Variants in ARB2A observed in about 807,000 individuals in gnomAD.
The protein encoded by ARB2A is cotranscriptional regulator ARB2A.
chr5:93,837,162 G>A, the ARB2A span, among the ~76,000 whole-genome samples: 55 of 151,992 alleles, frequency 3.6e-4, no homozygotes, highest in Non-Finnish European at 6.2e-4. Context: ...CCCTTTTTGT[G>A]TCCACGTGTT....
chr5:93,724,037 ATCAGAC>A, the ARB2A span, among the ~76,000 whole-genome samples: 1 of 152,124 alleles, frequency 6.6e-6, no homozygotes, highest in Non-Finnish European at 1.5e-5. Flanking sequence ...GGTTCTTAAT[ATCAGAC>A]TGTTTTTGCT....
the ARB2A span, among the ~76,000 whole-genome samples, chr5:93,764,888 A>G: frequency 6.6e-6 from 1 of 152,218 alleles, no homozygotes; most frequent in South Asian, 2.1e-4. Context: ...GGCTGGTTCA[A>G]CATACGTAAA....
chr5:93,990,620 T>TAAAAAAAA, the ARB2A span, among the ~76,000 whole-genome samples: 6 of 75,238 alleles, frequency 8.0e-5, no homozygotes, highest in African/African-American at 3.5e-4. Context: ...CTACCATGAG[T>TAAAAAAAA]AAAAAAAAAA....
the ARB2A span, among the ~76,000 whole-genome samples, chr5:93,811,730 A>T: frequency 6.6e-6 from 1 of 152,150 alleles, no homozygotes; most frequent in African/African-American, 2.4e-5. Flanking sequence ...TGTTATGAGG[A>T]TTAAATGAGA....
At chr5:93,727,709 C>G in the ARB2A span, among the ~76,000 whole-genome samples, 1 of 152,040 alleles carries the variant, frequency 6.6e-6, no homozygotes, top group South Asian at 2.1e-4. Flanking sequence ...ATTATATACA[C>G]TTTGGGGATT....
At chr5:93,683,027 T>G in the ARB2A span, 6 of 1,576,058 alleles carry the variant, frequency 3.8e-6, no homozygotes, top group Non-Finnish European at 5.2e-6. Context: ...AGGAGTTTTT[T>G]CCTGTTTTTT....
chr5:93,817,792 C>T, the ARB2A span, among the ~76,000 whole-genome samples: 1 of 152,054 alleles, frequency 6.6e-6, no homozygotes. Context: ...TGGACCCTTA[C>T]CTCACACAAT....
the ARB2A span, among the ~76,000 whole-genome samples, chr5:93,666,898 A>C: frequency 1.6e-4 from 24 of 152,342 alleles, 1 homozygote; most frequent in South Asian, 4.6e-3. Flanking sequence ...CCAAAATCAT[A>C]AAAACAACTT....
the ARB2A span, among the ~76,000 whole-genome samples, chr5:94,045,620 T>C: frequency 6.6e-6 from 1 of 152,158 alleles, no homozygotes; most frequent in Non-Finnish European, 1.5e-5. Flanking sequence ...CATTAAAAAA[T>C]CTCTAAAATG....
At chr5:94,058,940 T>A in the ARB2A span, among the ~76,000 whole-genome samples, 1 of 152,088 alleles carries the variant, frequency 6.6e-6, no homozygotes, top group Non-Finnish European at 1.5e-5. Context: ...AGGTGGCACC[T>A]CTTCCTTCTC....
At chr5:93,741,048 T>A in the ARB2A span, 1 of 1,613,898 alleles carries the variant, frequency 6.2e-7, no homozygotes, top group South Asian at 1.1e-5. Context: ...TGGCGACGCT[T>A]AGCTGCTGGG....
At chr5:94,061,194 C>A in the ARB2A span, among the ~76,000 whole-genome samples, 1 of 152,056 alleles carries the variant, frequency 6.6e-6, no homozygotes, top group African/African-American at 2.4e-5. Flanking sequence ...GCCAAGACTG[C>A]GCCACTGCAC....
At chr5:93,971,523 C>A in the ARB2A span, among the ~76,000 whole-genome samples, 1 of 151,236 alleles carries the variant, frequency 6.6e-6, no homozygotes, top group Non-Finnish European at 1.5e-5. Context: ...GCTGAAATAG[C>A]GCCATTGCAC....
chr5:94,047,779 A>G, the ARB2A span, among the ~76,000 whole-genome samples: 40 of 152,316 alleles, frequency 2.6e-4, no homozygotes, highest in African/African-American at 9.4e-4. Context: ...AAAAAGACAC[A>G]TAGCTGGAGT....
the ARB2A span, among the ~76,000 whole-genome samples, chr5:93,694,532 T>C: frequency 1.3e-5 from 2 of 151,966 alleles, no homozygotes; most frequent in African/African-American, 2.4e-5. Flanking sequence ...CTCAAGGAAA[T>C]AGGAGAGGAC....
the ARB2A span, among the ~76,000 whole-genome samples, chr5:93,909,541 T>A: frequency 1.3e-5 from 2 of 151,012 alleles, no homozygotes; most frequent in African/African-American, 4.8e-5. Flanking sequence ...CAAACCTTTT[T>A]ATTTCCCCAT....
At chr5:93,972,814 G>A in the ARB2A span, among the ~76,000 whole-genome samples, 2 of 151,716 alleles carry the variant, frequency 1.3e-5, no homozygotes, top group Non-Finnish European at 2.9e-5. Context: ...GGTGGCTCAC[G>A]CCTGTGATCT....
the ARB2A span, among the ~76,000 whole-genome samples, chr5:93,775,400 A>G: frequency 6.6e-6 from 1 of 152,218 alleles, no homozygotes; most frequent in East Asian, 1.9e-4. Flanking sequence ...AGTTATAACG[A>G]GATGCCACTG....
the ARB2A span, among the ~76,000 whole-genome samples, chr5:93,927,952 C>T: frequency 4.6e-5 from 7 of 151,670 alleles, no homozygotes; most frequent in Non-Finnish European, 8.8e-5. Flanking sequence ...CTGTAGACAT[C>T]GTAGCTCAGC....
Sources: allele counts gnomAD v4.1 joint callset (sites outside exome capture counted in the v4.1 genomes callset), GRCh38; gene constraint gnomAD v4.1.1; transcripts MANE v1.5; gene names NCBI Gene and HGNC (gene_info 2026-07-23, HGNC 2026-07-21).